MAPK8: variants seen among roughly 807,000 people sequenced by gnomAD.
MAPK8 encodes the protein JUN N-terminal kinase.
In MAPK8, 13 loss-of-function variants were observed where a neutral mutation model predicts 52.9. The observed-to-expected ratio is 0.25, with a 90% CI of 0.16 to 0.39. The LOEUF (loss-of-function observed/expected upper bound fraction) is 0.39, where lower values mean the gene tolerates loss of function less well. MAPK8 is among the 10% of genes least tolerant of loss of function. The pLI, the probability that MAPK8 is intolerant of heterozygous loss-of-function variation, is 1.00. For synonymous variants in MAPK8, 191 were observed against 169.8 expected (o/e 1.12, Z -0.97); for missense variants, 300 against 519.2 (o/e 0.58, Z 4.10).
intron 1 of MAPK8, among the ~76,000 whole-genome samples, chr10:48,383,995 G>T (rs1746489980): frequency 6.6e-6 from 1 of 152,102 alleles, no homozygotes; most frequent in Non-Finnish European, 1.5e-5. Context: ...CGTGGCTCAT[G>T]CCTGCAATCC....
chr10:48,327,338 T>A (rs1843635663), intron 1 of MAPK8, among the ~76,000 whole-genome samples: 1 of 152,234 alleles, frequency 6.6e-6, no homozygotes, highest in Admixed American at 6.5e-5. Flanking sequence ...TCCATTGATA[T>A]GACCATTTGA....
In MAPK8 at chr10:48,412,572, C is replaced by G. The variant is rs1395918215; in HGVS notation, c.450+2404C>G. On this transcript the variant is annotated intron_variant, in intron 5 of 11. Coordinates refer to ENST00000374189, the MANE Select transcript of MAPK8 (RefSeq NM_001323329.2). The stretch of plus-strand genomic sequence containing the variant: ...ATGGTATGCCATGTCTTGTTTTCTC[C>G]TCCACTTTAATGTTTTGTCCCAGGC... Among the ~76,000 whole-genome samples the G allele has an allele frequency of 2.0e-5, 3 of 152,106 alleles. No homozygotes were observed. The East Asian group carries it at 5.8e-4, about 29-fold the overall frequency.
intron 11 of MAPK8, among the ~76,000 whole-genome samples, chr10:48,434,006 C>T (rs1396025475): frequency 6.6e-6 from 1 of 152,192 alleles, no homozygotes; most frequent in Admixed American, 6.5e-5. Flanking sequence ...TAGCCTAGTG[C>T]ATGAGTTACC....
chr10:48,395,780 A>G (rs2041857107), intron 1 of MAPK8, among the ~76,000 whole-genome samples: 1 of 152,092 alleles, frequency 6.6e-6, no homozygotes. Context: ...GGTATTGATC[A>G]AAAGATAGAT....
chr10:48,340,284 A>T (rs896649631), intron 1 of MAPK8, among the ~76,000 whole-genome samples: 1 of 152,182 alleles, frequency 6.6e-6, no homozygotes, highest in Non-Finnish European at 1.5e-5. Flanking sequence ...TTATCAAGTG[A>T]ATTAATGCAG....
At chr10:48,312,696 T>C (rs1842087757) in intron 1 of MAPK8, among the ~76,000 whole-genome samples, 1 of 152,248 alleles carries the variant, frequency 6.6e-6, no homozygotes, top group African/African-American at 2.4e-5. Context: ...TACTGCTGTG[T>C]GGATTTTTCT....
At chr10:48,353,753 G>C (rs1846564975) in intron 1 of MAPK8, among the ~76,000 whole-genome samples, 1 of 152,210 alleles carries the variant, frequency 6.6e-6, no homozygotes, top group African/African-American at 2.4e-5. Flanking sequence ...GCTGAGTGAA[G>C]AAAAGTCAGC....
intron 1 of MAPK8, among the ~76,000 whole-genome samples, chr10:48,357,217 T>C (rs1166923728): frequency 6.6e-6 from 1 of 152,220 alleles, no homozygotes; most frequent in East Asian, 1.9e-4. Flanking sequence ...ACAAGTATTC[T>C]TTAATCTGTT....
At chr10:48,382,925 T>C (rs1348252249) in intron 1 of MAPK8, among the ~76,000 whole-genome samples, 1 of 44,106 alleles carries the variant, frequency 2.3e-5, no homozygotes, top group African/African-American at 5.6e-5. Context: ...TATATGTATA[T>C]ATATATAGCT....
intron 1 of MAPK8, among the ~76,000 whole-genome samples, chr10:48,397,275 A>G (rs987842784): frequency 6.6e-6 from 1 of 151,988 alleles, no homozygotes; most frequent in Middle Eastern, 3.4e-3. Flanking sequence ...CAGCCTCCCA[A>G]ATAGCTAGGA....
chr10:48,398,376 G>T lies in MAPK8; in HGVS notation c.-49-3236G>T, dbSNP rs554823629. On this transcript the variant is annotated intron_variant, in intron 1 of 11. Transcript: ENST00000374189. ...CATGAAAAGGTGCTCACCTTCATTAGTTATTAGGAAATGTAAATGTAAACC... is the reference window on the plus strand; with the variant it reads ...CATGAAAAGGTGCTCACCTTCATTATTTATTAGGAAATGTAAATGTAAACC... Among the ~76,000 whole-genome samples, 3 of 152,260 alleles carry T rather than the reference G, an allele frequency of 2.0e-5. No homozygotes were observed. In the South Asian group the frequency reaches 6.2e-4, roughly 32 times the overall value.
intron 5 of MAPK8, among the ~76,000 whole-genome samples, chr10:48,411,750 G>A (rs10857565): frequency 0.19 from 29,070 of 151,704 alleles, 2,977 homozygotes; most frequent in South Asian, 0.29. Flanking sequence ...ACAAACATAG[G>A]ATGTCTTACC....
At chr10:48,379,938 TAA>T (rs373050540) in intron 1 of MAPK8, among the ~76,000 whole-genome samples, 16 of 115,874 alleles carry the variant, frequency 1.4e-4, no homozygotes, top group African/African-American at 3.0e-4. Flanking sequence ...ACAAAGCTCT[TAA>T]AAAAAAAAAA....
intron 1 of MAPK8, among the ~76,000 whole-genome samples, chr10:48,350,766 G>A (rs1846239023): frequency 6.6e-6 from 1 of 152,266 alleles, no homozygotes; most frequent in Admixed American, 6.5e-5. Flanking sequence ...GTTCTGGCCA[G>A]GGCAATCAGG....
Position 48,426,516 on chromosome 10 carries a change from T to C in MAPK8, c.996+12T>C. 6.2e-7 allele frequency: 1 copy of C among 1,605,954 alleles called. No individual in the cohort carries two copies. The highest frequency in any genetic ancestry group is 8.5e-7 in the Non-Finnish European group (1 of 1,176,988). On this transcript the variant is annotated intron_variant, in intron 9 of 11. Transcript: ENST00000374189. ...CTGAAGCAGAAGCTGTAAGTTATTT[T>C]CTTAATGTTTACAGAACATATTGCA...
chr10:48,360,912 G>A (rs770637917), intron 1 of MAPK8, among the ~76,000 whole-genome samples: 21 of 152,116 alleles, frequency 1.4e-4, no homozygotes, highest in Non-Finnish European at 2.5e-4. Flanking sequence ...ATGGGTGATG[G>A]ATACACTGGT....
At chr10:48,364,801 CCAAA>C (rs767982080) in intron 1 of MAPK8, among the ~76,000 whole-genome samples, 1 of 152,058 alleles carries the variant, frequency 6.6e-6, no homozygotes, top group Non-Finnish European at 1.5e-5. Flanking sequence ...ACAGAAAACT[CCAAA>C]CAAAGGATTG....
At chr10:48,333,658 G>A (rs763608845) in intron 1 of MAPK8, among the ~76,000 whole-genome samples, 4 of 141,544 alleles carry the variant, frequency 2.8e-5, no homozygotes, top group African/African-American at 5.2e-5. Context: ...TTGACCGGCC[G>A]GATGCAACAG....
intron 1 of MAPK8, among the ~76,000 whole-genome samples, chr10:48,386,652 T>G (rs574772911): frequency 6.6e-6 from 1 of 152,324 alleles, no homozygotes; most frequent in South Asian, 2.1e-4. Flanking sequence ...GTTACTTATA[T>G]TTGTTATTGT....
Sources: gnomAD v4.1 joint callset for allele counts (sites outside exome capture counted in the v4.1 genomes callset) on GRCh38, gnomAD v4.1.1 for gene constraint, MANE v1.5 for transcripts, NCBI Gene and HGNC (gene_info 2026-07-23, HGNC 2026-07-21) for gene names.